The following SLC24A2 variants were observed in gnomAD, a reference collection of about 807,000 sequenced individuals.
SLC24A2 encodes the protein sodium/potassium/calcium exchanger 2.
SLC24A2 carries 36 observed loss-of-function variants against 62.0 expected under a neutral mutation model. The observed-to-expected ratio is 0.58, with a 90% CI of 0.44 to 0.77. The LOEUF is 0.77. Ranked by LOEUF, SLC24A2 falls within the 30% of genes least tolerant of loss-of-function variation. The probability of loss-of-function intolerance (pLI) is 0.00; values close to 1 mark genes in which losing one functional copy is unlikely to be tolerated. For synonymous variants in SLC24A2, 358 were observed against 294.0 expected, an observed-to-expected ratio of 1.22 and a Z score of -2.23; for missense variants, 846 against 817.9, an observed-to-expected ratio of 1.03 and a Z score of -0.42.
At chr9:19,695,177 C>G (rs1295867860) in intron 2 of SLC24A2, among the ~76,000 whole-genome samples, 1 of 151,988 alleles carries the variant, frequency 6.6e-6, no homozygotes, top group African/African-American at 2.4e-5. Flanking sequence ...AGGGAAGCTG[C>G]TAAACATCCT....
chr9:19,566,974 G>A (rs112499379), intron 7 of SLC24A2, among the ~76,000 whole-genome samples: 32 of 151,718 alleles, frequency 2.1e-4, no homozygotes, highest in African/African-American at 7.0e-4. Context: ...GTGGGGGAGG[G>A]GGGATGGAAA....
chr9:19,567,418 C>T (rs1266745840), intron 7 of SLC24A2, among the ~76,000 whole-genome samples: 10 of 150,950 alleles, frequency 6.6e-5, no homozygotes, highest in African/African-American at 1.2e-4. Flanking sequence ...TGGTGGCGGG[C>T]GCCTGTAGTC....
chr9:19,583,960 G>A (rs376316418), intron 5 of SLC24A2, among the ~76,000 whole-genome samples: 1 of 152,044 alleles, frequency 6.6e-6, no homozygotes. Context: ...CAACCTGAAG[G>A]TTTCTCTGCA....
At chr9:19,648,748 G>T (rs1818712821) in intron 2 of SLC24A2, among the ~76,000 whole-genome samples, 1 of 152,124 alleles carries the variant, frequency 6.6e-6, no homozygotes, top group African/African-American at 2.4e-5. Context: ...AAGAGGTTAG[G>T]GTTGGTTATT....
intron 7 of SLC24A2, among the ~76,000 whole-genome samples, chr9:19,550,574 A>G (rs1834794802): frequency 1.3e-5 from 2 of 152,188 alleles, no homozygotes; most frequent in South Asian, 4.1e-4. Context: ...AGCTTCTTAT[A>G]ACAAACTATA....
At chr9:19,761,628 C>G (rs577741226) in intron 2 of SLC24A2, among the ~76,000 whole-genome samples, 1 of 151,930 alleles carries the variant, frequency 6.6e-6, no homozygotes, top group South Asian at 2.1e-4. Flanking sequence ...GCTGTCCCTC[C>G]CCCCTTTCCC....
the SLC24A2 span, among the ~76,000 whole-genome samples, chr9:20,261,682 A>C: frequency 6.6e-6 from 1 of 150,438 alleles, no homozygotes. Flanking sequence ...ACTATCTTCT[A>C]CTGGTAAAGT....
At chr9:19,874,914 C>T in the SLC24A2 span, among the ~76,000 whole-genome samples, 7 of 146,568 alleles carry the variant, frequency 4.8e-5, no homozygotes, top group Admixed American at 1.4e-4. Flanking sequence ...TTATTCTCCT[C>T]AATTTACAGA....
At chr9:20,197,858 G>A in the SLC24A2 span, among the ~76,000 whole-genome samples, 806 of 152,224 alleles carry the variant, frequency 5.3e-3, 6 homozygotes, top group Non-Finnish European at 6.7e-3. Context: ...CATTTCTCAG[G>A]TTAGACCAAC....
chr9:19,549,959 C>T (rs1395169161), intron 8 of SLC24A2, among the ~76,000 whole-genome samples, 178 bp downstream of exon 8: 2 of 152,144 alleles, frequency 1.3e-5, no homozygotes, highest in African/African-American at 4.8e-5. Flanking sequence ...TTCTCTTTTT[C>T]CTTAAACTTA....
At chr9:19,563,832 C>A (rs372863205) in intron 7 of SLC24A2, among the ~76,000 whole-genome samples, 1 of 31,396 alleles carries the variant, frequency 3.2e-5, no homozygotes, top group Non-Finnish European at 6.4e-5. Context: ...CTTCCTCCCT[C>A]CCTCCCTCCC....
chr9:19,746,011 A>C (rs895256505), intron 2 of SLC24A2, among the ~76,000 whole-genome samples: 1 of 152,126 alleles, frequency 6.6e-6, no homozygotes, highest in Non-Finnish European at 1.5e-5. Context: ...GAAATGCTGG[A>C]AAATACAGAA....
the SLC24A2 span, among the ~76,000 whole-genome samples, chr9:20,221,764 C>A: frequency 6.6e-6 from 1 of 151,988 alleles, no homozygotes; most frequent in Non-Finnish European, 1.5e-5. Flanking sequence ...CCAAAAATAA[C>A]AGAATAATAT....
At chr9:19,935,744 G>T in the SLC24A2 span, among the ~76,000 whole-genome samples, 1 of 152,198 alleles carries the variant, frequency 6.6e-6, no homozygotes, top group Admixed American at 6.5e-5. Flanking sequence ...TGTCTGATGT[G>T]TGTCCTAGTG....
chr9:19,535,541 G>T (rs1271119096), intron 8 of SLC24A2, among the ~76,000 whole-genome samples: 1 of 152,198 alleles, frequency 6.6e-6, no homozygotes, highest in Non-Finnish European at 1.5e-5. Flanking sequence ...AAGGTGTAAG[G>T]AAAGGGTCCA....
chr9:20,118,513 T>C, the SLC24A2 span, among the ~76,000 whole-genome samples: 1 of 152,128 alleles, frequency 6.6e-6, no homozygotes, highest in Admixed American at 6.6e-5. Flanking sequence ...ACTTCTTATA[T>C]TTAAAAAACT....
chr9:20,268,820 T>C, the SLC24A2 span, among the ~76,000 whole-genome samples: 3 of 152,192 alleles, frequency 2.0e-5, no homozygotes, highest in Admixed American at 6.5e-5. Flanking sequence ...CCCAGACTCA[T>C]TGCAGGCAGT....
chr9:20,205,674 A>C, the SLC24A2 span, among the ~76,000 whole-genome samples: 5 of 129,844 alleles, frequency 3.9e-5, no homozygotes, highest in East Asian at 5.0e-4. Context: ...AAAAAAAAAA[A>C]CAAACAAAAA....
the SLC24A2 span, among the ~76,000 whole-genome samples, chr9:20,261,566 C>T: frequency 1.3e-5 from 2 of 152,112 alleles, no homozygotes; most frequent in African/African-American, 2.4e-5. Flanking sequence ...GGCCCCACCA[C>T]CCAACACTGC....
Sources: allele counts gnomAD v4.1 joint callset (sites outside exome capture counted in the v4.1 genomes callset), GRCh38; gene constraint gnomAD v4.1.1; transcripts MANE v1.5; gene names NCBI Gene and HGNC (gene_info 2026-07-23, HGNC 2026-07-21).